The following CD2AP variants were observed in gnomAD, a reference collection of about 807,000 sequenced individuals.
The protein encoded by CD2AP is CD2 associated protein.
Under a neutral mutation model 85.1 loss-of-function variants are expected in CD2AP, and 46 were observed. That is an observed-to-expected ratio of 0.54 (90% CI 0.43 to 0.69). The LOEUF is 0.69. CD2AP is among the 30% of genes least tolerant of loss of function. The pLI is 0.00. For missense variants in CD2AP, 769 were observed against 729.5 expected (o/e 1.05, Z -0.62); for synonymous variants, 255 against 252.9 (o/e 1.01, Z -0.08).
intron 2 of CD2AP, among the ~76,000 whole-genome samples, chr6:47,506,794 GGAGGGAGAGGGA>G (rs765919738): frequency 0.14 from 11,112 of 80,136 alleles, 703 homozygotes; most frequent in South Asian, 0.21. Flanking sequence ...AGAGGGAGAC[GGAGGGAGAGGGA>G]GAGGGAGAGG....
chr6:47,520,568 G>A lies in CD2AP; in HGVS notation c.166-13034G>A, dbSNP rs118037815. 7.4e-3 allele frequency among the ~76,000 whole-genome samples: 1,119 copies of A among 152,146 alleles called. 39 individuals carry two copies. Among genetic ancestry groups the A allele is most frequent in the Admixed American group, 0.057 (864 of 15,288 alleles). On this transcript the variant is annotated intron_variant, in intron 2 of 17. Transcript: ENST00000359314. ...CCTAGTGTGGAGGGAAGTCCCGGCT[G>A]TATACTGGGCCTTTTCTGGTAACCA...
At chr6:47,579,274 G>A (rs567085196) in intron 8 of CD2AP, 111 bp from the exon 9 acceptor site, 4 of 690,568 alleles carry the variant, frequency 5.8e-6, no homozygotes, top group Non-Finnish European at 1.0e-5. Context: ...GGTTGAGGCT[G>A]CAGTGAGTCA....
At chr6:47,523,110 G>A (rs1395447849) in intron 2 of CD2AP, among the ~76,000 whole-genome samples, 1 of 152,042 alleles carries the variant, frequency 6.6e-6, no homozygotes, top group Admixed American at 6.6e-5. Flanking sequence ...TAGATCTTTT[G>A]GATGGATGTC....
chr6:47,536,969 G>A (rs539194684), intron 3 of CD2AP, among the ~76,000 whole-genome samples: 2 of 152,302 alleles, frequency 1.3e-5, no homozygotes, highest in Non-Finnish European at 2.9e-5. Context: ...CTTGGCACAC[G>A]TGAGGCAATA....
intron 11 of CD2AP, chr6:47,582,353 T>C: frequency 4.2e-6 from 1 of 239,070 alleles, no homozygotes; most frequent in Non-Finnish European, 8.3e-6. Context: ...ATTATTTTTA[T>C]AGTGTTTCAG....
chr6:47,516,932 A>G (rs1766465430), intron 2 of CD2AP, among the ~76,000 whole-genome samples: 1 of 152,138 alleles, frequency 6.6e-6, no homozygotes, highest in South Asian at 2.1e-4. Context: ...TTCTGCCAAT[A>G]TGAGTTAGTT....
chr6:47,491,697 T>C (rs2113967822), intron 1 of CD2AP, among the ~76,000 whole-genome samples: 1 of 152,262 alleles, frequency 6.6e-6, no homozygotes, highest in South Asian at 2.1e-4. Context: ...TAAAGCAGAC[T>C]AGTAGAAAAT....
At chr6:47,589,559 C>CAT (rs1460454313) in intron 11 of CD2AP, among the ~76,000 whole-genome samples, 3 of 49,402 alleles carry the variant, frequency 6.1e-5, no homozygotes, top group African/African-American at 1.9e-4. Context: ...TATACACACA[C>CAT]ACACACATAT....
intron 2 of CD2AP, among the ~76,000 whole-genome samples, chr6:47,523,592 A>G (rs1766649693): frequency 6.6e-6 from 1 of 152,142 alleles, no homozygotes; most frequent in African/African-American, 2.4e-5. Context: ...GTTACTGTTA[A>G]AGCATTAACT....
chr6:47,544,930 C>G, intron 4 of CD2AP: 1 of 446,442 alleles, frequency 2.2e-6, no homozygotes, highest in South Asian at 3.2e-5. Flanking sequence ...TTAATGAAAT[C>G]TAAGTAGTTA....
At chr6:47,508,604 A>G (rs4632893) in intron 2 of CD2AP, among the ~76,000 whole-genome samples, 140,620 of 147,474 alleles carry the variant, frequency 0.95, 67,361 homozygotes, top group East Asian at 1. Context: ...GGAGTGCAAT[A>G]GCACGATTTT....
Position 47,595,782 on chromosome 6 carries a change from G to T in CD2AP, c.1109-79G>T, listed in dbSNP as rs544440027. On this transcript the variant is annotated intron_variant, in intron 11 of 17. Coordinates refer to ENST00000359314, the MANE Select transcript of CD2AP (RefSeq NM_012120.3). ...TGTCTGCCTCTGTCACACTTTTCCA[G>T]CCTGATACAAACTTTTGGAAATAGA... is the stretch of plus-strand genomic sequence containing the variant. 5.7e-6 allele frequency: 7 copies of T among 1,220,736 alleles called. No individual in the cohort carries two copies. The East Asian group carries it at 1.4e-4, about 24-fold the overall frequency. The allele number at this position is 1,220,736 out of a possible 1,614,324, so 75.6% of individuals were successfully genotyped here. A position where few individuals can be genotyped will look rare whatever the true frequency, so the allele number is the denominator to read the frequency against.
intron 17 of CD2AP, among the ~76,000 whole-genome samples, chr6:47,614,127 A>G (rs1000952101): frequency 6.6e-6 from 1 of 152,242 alleles, no homozygotes; most frequent in African/African-American, 2.4e-5. Context: ...CTTCATATCA[A>G]CAATAAGGCT....
At chr6:47,542,456 G>T (rs528998080) in intron 3 of CD2AP, among the ~76,000 whole-genome samples, 55 of 152,230 alleles carry the variant, frequency 3.6e-4, no homozygotes, top group African/African-American at 1.3e-3. Context: ...AATTTCCATT[G>T]TGGTGATATT....
At chr6:47,537,420 C>G (rs1189299120) in intron 3 of CD2AP, among the ~76,000 whole-genome samples, 1 of 151,934 alleles carries the variant, frequency 6.6e-6, no homozygotes, top group Non-Finnish European at 1.5e-5. Flanking sequence ...AACACCCTAC[C>G]CTCTTGAACA....
At chr6:47,525,177 A>T (rs186288794) in intron 2 of CD2AP, among the ~76,000 whole-genome samples, 346 of 152,242 alleles carry the variant, frequency 2.3e-3, no homozygotes, top group African/African-American at 7.6e-3. Flanking sequence ...GCCTAAAATT[A>T]GTCAGAGCTA....
intron 3 of CD2AP, among the ~76,000 whole-genome samples, chr6:47,537,296 C>T (rs1395058849): frequency 5.3e-5 from 8 of 152,124 alleles, no homozygotes; most frequent in Non-Finnish European, 1.2e-4. Context: ...ATCTTTGCAG[C>T]ATACCTTTTG....
chr6:47,595,565 A>G (rs1768917582), intron 11 of CD2AP, among the ~76,000 whole-genome samples: 1 of 152,084 alleles, frequency 6.6e-6, no homozygotes, highest in Non-Finnish European at 1.5e-5. Context: ...ATAGACTACT[A>G]CACTTAAAAG....
intron 5 of CD2AP, among the ~76,000 whole-genome samples, chr6:47,559,855 A>G (rs533750922): frequency 2.6e-5 from 4 of 152,186 alleles, no homozygotes; most frequent in Admixed American, 6.5e-5. Flanking sequence ...GAAGCAATAG[A>G]GCAAGTTCAT....
Sources: allele counts gnomAD v4.1 joint callset (sites outside exome capture counted in the v4.1 genomes callset), GRCh38; gene constraint gnomAD v4.1.1; transcripts MANE v1.5; gene names NCBI Gene and HGNC (gene_info 2026-07-23, HGNC 2026-07-21).